Variants in PHLDB2 observed in about 807,000 individuals in gnomAD.
PHLDB2 encodes the protein pleckstrin homology like domain family B member 2.
PHLDB2 carries 71 observed loss-of-function variants against 123.6 expected under a neutral mutation model. That is an observed-to-expected ratio of 0.57 (90% CI 0.47 to 0.70). The LOEUF is 0.70. Ranked by LOEUF, PHLDB2 falls within the 30% of genes least tolerant of loss-of-function variation. The probability of loss-of-function intolerance (pLI) is 0.00; values close to 1 mark genes in which losing one functional copy is unlikely to be tolerated. For missense variants in PHLDB2, 1,446 were observed against 1,519.5 expected (o/e 0.95, Z 0.80); for synonymous variants, 547 against 541.6 (o/e 1.01, Z -0.14).
At chr3:111,773,459 A>G (rs2060212795) in intron 1 of PHLDB2, among the ~76,000 whole-genome samples, 1 of 152,202 alleles carries the variant, frequency 6.6e-6, no homozygotes, top group East Asian at 1.9e-4. Context: ...CAAGCTTTAG[A>G]GAAAGGTGAA....
intron 1 of PHLDB2, among the ~76,000 whole-genome samples, chr3:111,860,354 G>T (rs1029464094): frequency 2.0e-5 from 3 of 151,070 alleles, no homozygotes; most frequent in Non-Finnish European, 4.4e-5. Context: ...TTTGGCCTTT[G>T]ACCCCCCACT....
chr3:111,830,808 C>CAAAAAAAAA (rs11475835), intron 1 of PHLDB2, among the ~76,000 whole-genome samples: 1 of 53,342 alleles, frequency 1.9e-5, no homozygotes, highest in African/African-American at 7.7e-5. Context: ...GACTCCGTCT[C>CAAAAAAAAA]AAAAAAAAAA....
intron 14 of PHLDB2, 44 bp downstream of exon 14, chr3:111,966,747 G>T (rs2071795997): frequency 2.0e-6 from 3 of 1,524,636 alleles, no homozygotes; most frequent in Non-Finnish European, 1.8e-6. Context: ...ATACCGTGGT[G>T]CAGGAGCCCT....
chr3:111,739,579 A>ACC (rs1167624667), intron 1 of PHLDB2, among the ~76,000 whole-genome samples: 5 of 3,152 alleles, frequency 1.6e-3, no homozygotes, highest in Non-Finnish European at 8.4e-3. Context: ...AAGTTAAAAA[A>ACC]AAAAAAAACA....
At chr3:111,902,839 A>G (rs998400768) in intron 2 of PHLDB2, among the ~76,000 whole-genome samples, 1 of 152,074 alleles carries the variant, frequency 6.6e-6, no homozygotes. Context: ...GCATTTCACC[A>G]TGTTGCCCAG....
At chr3:111,787,767 G>A (rs958643463) in intron 1 of PHLDB2, among the ~76,000 whole-genome samples, 34 of 152,240 alleles carry the variant, frequency 2.2e-4, no homozygotes, top group South Asian at 1.4e-3. Context: ...GGACCACCCC[G>A]GGGTCGAGTC....
chr3:111,931,032 A>G (rs900679316), intron 5 of PHLDB2, among the ~76,000 whole-genome samples: 3 of 152,210 alleles, frequency 2.0e-5, no homozygotes, highest in Admixed American at 2.0e-4. Flanking sequence ...TTTATGTAGG[A>G]AATCATGGCC....
chr3:111,901,522 T>A (rs2067203664), intron 2 of PHLDB2, among the ~76,000 whole-genome samples: 1 of 114,038 alleles, frequency 8.8e-6, no homozygotes, highest in Admixed American at 9.0e-5. Context: ...TTAAAAAAAA[T>A]CTTATTTTTT....
In PHLDB2 at chr3:111,932,310, G is replaced by A. The variant is rs1485156089; in HGVS notation, c.2043G>A (p.Arg681=). 1.3e-6 allele frequency: 2 copies of A among 1,551,490 alleles called. No homozygotes were observed. Among genetic ancestry groups the A allele is most frequent in the South Asian group, 2.4e-5 (2 of 84,026 alleles). The change falls in exon 6 of 18, where the codon AGG becomes AGA. Residue 681 remains arginine, a synonymous_variant. Transcript: ENST00000431670. ...KLDAEREKLE[R]LQELYSEQKT... ...ATGCTGAAAGGGAAAAACTAGAGAG[G>A]CTTCAGGAGCTTTACTCCGAGCAGA...
At chr3:111,866,014 ATTTTT>A (rs61038523) in intron 1 of PHLDB2, among the ~76,000 whole-genome samples, 38 of 57,418 alleles carry the variant, frequency 6.6e-4, no homozygotes, top group East Asian at 4.3e-3. Context: ...CCACCCACTC[ATTTTT>A]TTTTTTTTTT....
In PHLDB2 at chr3:111,866,014, AT is replaced by A. The variant is rs61038523; in HGVS notation, c.-15+6462del. ...TTTTAGAAACCTACCCCACCCACTC[AT>A]TTTTTTTTTTTTTTTTTTTTTTTGG... On this transcript the variant is annotated intron_variant, in intron 1 of 17. Transcript: ENST00000431670. 5.2e-3 allele frequency among the ~76,000 whole-genome samples: 301 copies of A among 57,376 alleles called. 1 individual carries two copies. The highest frequency in any genetic ancestry group is 0.029 in the Admixed American group (94 of 3,278). 37.6% of individuals were successfully genotyped at this position (57,376 alleles called of 152,430 possible).
intron 15 of PHLDB2, among the ~76,000 whole-genome samples, chr3:111,968,494 A>G (rs1391527905): frequency 6.6e-6 from 1 of 152,244 alleles, no homozygotes; most frequent in Non-Finnish European, 1.5e-5. Context: ...AGCTGCTTAC[A>G]TAATATGTTT....
At chr3:111,859,742 G>A (rs1283286936) in intron 1 of PHLDB2, 166 bp downstream of exon 1, 3 of 985,404 alleles carry the variant, frequency 3.0e-6, no homozygotes, top group Non-Finnish European at 3.6e-6. Context: ...GGGCCGAGGA[G>A]GGGCGCGCTG....
At chr3:111,857,158 G>C (rs2108630788), upstream of PHLDB2, among the ~76,000 whole-genome samples, 1 of 152,200 alleles carries the variant, frequency 6.6e-6, no homozygotes, top group African/African-American at 2.4e-5. Context: ...GAGTGATAAA[G>C]GGGAAGTAGG....
intron 1 of PHLDB2, among the ~76,000 whole-genome samples, chr3:111,756,130 G>C (rs1183690296): frequency 6.6e-6 from 1 of 152,076 alleles, no homozygotes; most frequent in African/African-American, 2.4e-5. Flanking sequence ...TGTATATTCT[G>C]TTGATTTGGG....
At chr3:111,886,599 T>TA (rs2066178824) in intron 2 of PHLDB2, among the ~76,000 whole-genome samples, 1 of 152,220 alleles carries the variant, frequency 6.6e-6, no homozygotes, top group African/African-American at 2.4e-5. Context: ...CAGAAGGAAA[T>TA]ACGTTTGACA....
At position 111,885,334 on chromosome 3, in the gene PHLDB2, T is replaced by C. The variant is rs777616487; in HGVS notation, c.1257T>C (p.Ile419=). The C allele has an allele frequency of 4.3e-6, 7 of 1,614,032 alleles. No homozygotes were observed. In the South Asian group the frequency reaches 6.6e-5, roughly 15 times the overall value. The change falls in exon 2 of 18, where the codon ATT becomes ATC. Residue 419 remains isoleucine, a synonymous_variant. Transcript: ENST00000431670. Reference sequence around the variant, plus strand: ...AACGGAAAAGCAGTATTAGCTCCATTTCAGGACGTGATGACCTGATGGATT... The same window carrying C: ...AACGGAAAAGCAGTATTAGCTCCATCTCAGGACGTGATGACCTGATGGATT... ...LRERKSSISS[I]SGRDDLMDYH... is the part of the protein sequence containing the mutation.
intron 1 of PHLDB2, among the ~76,000 whole-genome samples, chr3:111,837,459 C>G (rs1170289373): frequency 6.6e-6 from 1 of 152,094 alleles, no homozygotes; most frequent in East Asian, 1.9e-4. Context: ...ATAGTAATTT[C>G]TGTTGTGTCA....
chr3:111,802,906 T>C (rs2061430921), intron 1 of PHLDB2, among the ~76,000 whole-genome samples: 1 of 152,150 alleles, frequency 6.6e-6, no homozygotes, highest in Non-Finnish European at 1.5e-5. Flanking sequence ...AAATGATAGA[T>C]AATTAATCAT....
Sources: gnomAD v4.1 joint callset for allele counts (sites outside exome capture counted in the v4.1 genomes callset) on GRCh38, gnomAD v4.1.1 for gene constraint, MANE v1.5 for transcripts, NCBI Gene and HGNC (gene_info 2026-07-23, HGNC 2026-07-21) for gene names.